C10orf143: variants seen among roughly 807,000 people sequenced by gnomAD.
C10orf143 encodes chromosome 10 open reading frame 143.
intron 3 of C10orf143, among the ~76,000 whole-genome samples, chr10:130,058,185 G>C (rs564454049): frequency 2.3e-4 from 35 of 152,250 alleles, no homozygotes; most frequent in Non-Finnish European, 2.6e-4. Context: ...AGACTTAAGA[G>C]TCTGCATTTT....
At chr10:130,079,972 G>T in intron 1 of C10orf143, 71 bp from the exon 2 acceptor site, 1 of 398,302 alleles carries the variant, frequency 2.5e-6, no homozygotes, top group South Asian at 1.3e-4. Flanking sequence ...TTTGCTTTCA[G>T]AAAACTTCAG....
rs754638915 is a variant in C10orf143, at chr10:130,108,142, T to A, written c.69+2562A>T. The A allele has an allele frequency of 1.7e-5, 26 of 1,567,756 alleles. No homozygotes were observed. The East Asian group carries it at 2.9e-4, about 18-fold the overall frequency. The stretch of plus-strand genomic sequence containing the variant: ...CTCCACCTCTTGCCCTAATCAGAGG[T>A]CCACTGTTTCCAGTGGATACAAGGG... On this transcript the variant is annotated intron_variant, in intron 1 of 3. Transcript: ENST00000637128.
At chr10:130,054,308 A>G (rs559554995) in intron 3 of C10orf143, among the ~76,000 whole-genome samples, 1 of 152,318 alleles carries the variant, frequency 6.6e-6, no homozygotes, top group African/African-American at 2.4e-5. Flanking sequence ...TTCACTTAGC[A>G]TGATGTCCTC....
intron 3 of C10orf143, among the ~76,000 whole-genome samples, chr10:130,072,942 C>A (rs546601593): frequency 6.6e-6 from 1 of 152,174 alleles, no homozygotes; most frequent in Non-Finnish European, 1.5e-5. Flanking sequence ...TGCCACAAAT[C>A]TTCAATGTGT....
intron 3 of C10orf143, among the ~76,000 whole-genome samples, chr10:130,058,580 A>ATTTTTTTTTTTTTTTTTTTT (rs5789009): frequency 6.9e-6 from 1 of 144,078 alleles, no homozygotes; most frequent in Non-Finnish European, 1.5e-5. Flanking sequence ...TTTAAACAGC[A>ATTTTTTTTTTTTTTTTTTTT]TTTTTTTTTT....
chr10:130,053,551 A>G (rs1337938870), intron 3 of C10orf143, among the ~76,000 whole-genome samples: 1 of 152,204 alleles, frequency 6.6e-6, no homozygotes, highest in South Asian at 2.1e-4. Context: ...GGCCCCAGGC[A>G]TGTGAGACCC....
chr10:130,058,558 G>A (rs1410440811), intron 3 of C10orf143, among the ~76,000 whole-genome samples: 2 of 146,298 alleles, frequency 1.4e-5, no homozygotes, highest in African/African-American at 5.0e-5. Context: ...TGGGAAAAAT[G>A]CACTAGTAGG....
chr10:130,094,172 C>T (rs1466944832), intron 1 of C10orf143, among the ~76,000 whole-genome samples: 1 of 152,012 alleles, frequency 6.6e-6, no homozygotes, highest in African/African-American at 2.4e-5. Context: ...CGAAACTAAA[C>T]CAGGAAGAAG....
At chr10:130,062,100 G>C (rs546673162), downstream of C10orf143, among the ~76,000 whole-genome samples, 1 of 152,280 alleles carries the variant, frequency 6.6e-6, no homozygotes, top group East Asian at 1.9e-4. Flanking sequence ...GGAAAATCTG[G>C]AATTTCTGAG....
chr10:130,040,161 T>C (rs1474540111), intron 3 of C10orf143, among the ~76,000 whole-genome samples: 1 of 152,086 alleles, frequency 6.6e-6, no homozygotes, highest in Non-Finnish European at 1.5e-5. Context: ...TGCTGGGAAT[T>C]TCAGCAGCCA....
At chr10:130,090,732 G>C (rs764858750) in intron 1 of C10orf143, among the ~76,000 whole-genome samples, 38 of 152,272 alleles carry the variant, frequency 2.5e-4, no homozygotes, top group Non-Finnish European at 4.4e-4. Flanking sequence ...GTGGGGGGCG[G>C]GCGGGGCATC....
At chr10:130,109,982 C>T (rs552317482) in intron 1 of C10orf143, among the ~76,000 whole-genome samples, 15 of 152,234 alleles carry the variant, frequency 9.9e-5, no homozygotes, top group Admixed American at 2.6e-4. Flanking sequence ...ACAGGAATGC[C>T]AAGCAGCTCT....
Position 130,110,635 on chromosome 10 carries a change from G to A in C10orf143, c.69+69C>T, listed in dbSNP as rs575139636. ...GGCAGGGCCGCGCCGGCAAAAACGA[G>A]GCGCGGTGGGAACCCGCCCAGGGGC... On this transcript the variant is annotated intron_variant, in intron 1 of 3. Coordinates refer to ENST00000637128, the MANE Select transcript of C10orf143 (RefSeq NM_001355042.2). The A allele has an allele frequency of 4.3e-4, 171 of 398,426 alleles. 1 individual carries two copies. In the South Asian group the frequency reaches 0.013, roughly 31 times the overall value. 24.7% of individuals were successfully genotyped at this position (398,426 alleles called of 1,614,324 possible).
At chr10:130,106,867 G>C in intron 1 of C10orf143, 1 of 1,112,888 alleles carries the variant, frequency 9.0e-7, no homozygotes, top group Non-Finnish European at 1.4e-6. Flanking sequence ...TGCTAAAGAT[G>C]AAAGATTGGG....
intron 1 of C10orf143, among the ~76,000 whole-genome samples, chr10:130,091,646 A>G (rs1041593928): frequency 1.3e-5 from 2 of 152,212 alleles, no homozygotes; most frequent in Non-Finnish European, 1.5e-5. Flanking sequence ...TTTTAACCCA[A>G]TGTAAGGAAG....
intron 3 of C10orf143, among the ~76,000 whole-genome samples, chr10:130,057,305 C>A (rs150599585): frequency 2.0e-5 from 3 of 152,240 alleles, no homozygotes; most frequent in African/African-American, 7.2e-5. Context: ...CAACCATCAT[C>A]CCCCTATCCA....
intron 3 of C10orf143, among the ~76,000 whole-genome samples, chr10:130,078,685 G>A (rs1467062400): frequency 6.6e-6 from 1 of 152,126 alleles, no homozygotes; most frequent in East Asian, 1.9e-4. Context: ...TGGCTGTCAT[G>A]GTTTCAGGTC....
intron 1 of C10orf143, among the ~76,000 whole-genome samples, chr10:130,080,809 T>G (rs1216509434): frequency 1.3e-5 from 2 of 152,206 alleles, no homozygotes; most frequent in Non-Finnish European, 2.9e-5. Flanking sequence ...ACTTAATGCA[T>G]CTACACAATA....
At chr10:130,102,945 T>C (rs1861581275) in intron 1 of C10orf143, among the ~76,000 whole-genome samples, 1 of 152,098 alleles carries the variant, frequency 6.6e-6, no homozygotes, top group African/African-American at 2.4e-5. Context: ...ATATTTATAG[T>C]GAGTTTCTTA....
Sources: allele counts gnomAD v4.1 joint callset (sites outside exome capture counted in the v4.1 genomes callset), GRCh38; gene constraint gnomAD v4.1.1; transcripts MANE v1.5; gene names NCBI Gene and HGNC (gene_info 2026-07-23, HGNC 2026-07-21).